FBLN5: variants seen among roughly 807,000 people sequenced by gnomAD.
FBLN5 encodes the protein fibulin-5.
FBLN5 carries 24 observed loss-of-function variants against 61.6 expected under a neutral mutation model. The observed-to-expected ratio is 0.39, with a 90% CI of 0.28 to 0.55. FBLN5 has a LOEUF of 0.55. FBLN5 is among the 20% of genes least tolerant of loss of function. FBLN5 has a pLI of 0.65. For missense variants in FBLN5, 470 were observed against 594.1 expected, an observed-to-expected ratio of 0.79 and a Z score of 2.17; for synonymous variants, 213 against 219.8, an observed-to-expected ratio of 0.97 and a Z score of 0.27.
intron 10 of FBLN5, among the ~76,000 whole-genome samples, chr14:91,873,318 T>C (rs1371801618): frequency 6.6e-6 from 1 of 152,230 alleles, no homozygotes; most frequent in African/African-American, 2.4e-5. Flanking sequence ...GCCAGGCATC[T>C]GGCTACAACC....
Position 91,942,900 on chromosome 14 carries a change from A to C in FBLN5, c.72+7T>G, listed in dbSNP as rs749068976. On this transcript the variant is annotated splice_region_variant and intron_variant, in intron 2 of 10. Transcript: ENST00000342058. ...TTGTAGATATTTTTTAAAAATAAAAATCTTACCTGTGCATTCCCAGGGCTT... is the reference window on the plus strand; with the variant it reads ...TTGTAGATATTTTTTAAAAATAAAACTCTTACCTGTGCATTCCCAGGGCTT... 1 of 1,520,838 alleles carries C rather than the reference A, an allele frequency of 6.6e-7. No homozygotes were observed. Among genetic ancestry groups the C allele is most frequent in the South Asian group, 1.2e-5 (1 of 83,338 alleles). 94.2% of individuals were successfully genotyped at this position (1,520,838 alleles called of 1,614,324 possible).
At chr14:91,889,626 C>T (rs796102716) in intron 6 of FBLN5, among the ~76,000 whole-genome samples, 21 of 152,352 alleles carry the variant, frequency 1.4e-4, no homozygotes, top group African/African-American at 5.1e-4. Context: ...TATTTGGGTT[C>T]AGTGAGATGA....
At position 91,881,262 on chromosome 14, in the gene FBLN5, T is replaced by C. The variant is rs1279884645; in HGVS notation, c.989+30A>G. On this transcript the variant is annotated intron_variant, in intron 9 of 10. Transcript: ENST00000342058. ...TCCTGAGCCAGGCCCTCATCAGGTT[T>C]CTATTCCCCAGGGGGACGCCGTGAC... is the stretch of plus-strand genomic sequence containing the variant. 4 of 1,613,608 alleles carry C rather than the reference T, an allele frequency of 2.5e-6. No individual in the cohort carries two copies. In the Admixed American group the frequency reaches 5.0e-5, roughly 20 times the overall value.
At chr14:91,889,314 C>T (rs907897714) in intron 6 of FBLN5, among the ~76,000 whole-genome samples, 11 of 152,202 alleles carry the variant, frequency 7.2e-5, no homozygotes, top group Admixed American at 3.9e-4. Flanking sequence ...GAACTCATTC[C>T]ACCCCCTCAC....
intron 4 of FBLN5, among the ~76,000 whole-genome samples, chr14:91,900,918 G>A (rs1233770326): frequency 6.6e-6 from 1 of 152,212 alleles, no homozygotes; most frequent in Non-Finnish European, 1.5e-5. Context: ...CAGCCCAGGG[G>A]TTTCATGGGC....
intron 4 of FBLN5, among the ~76,000 whole-genome samples, chr14:91,928,783 G>A (rs1431320338): frequency 6.6e-6 from 1 of 151,872 alleles, no homozygotes; most frequent in Non-Finnish European, 1.5e-5. Context: ...CTCAGGCCGG[G>A]CGCAGTGGCT....
At chr14:91,894,050 G>C (rs1890104545) in intron 5 of FBLN5, among the ~76,000 whole-genome samples, 1 of 152,196 alleles carries the variant, frequency 6.6e-6, no homozygotes, top group African/African-American at 2.4e-5. Context: ...AAGACAGGAA[G>C]AAAGTCAAGG....
At chr14:91,936,328 G>T (rs545906273) in intron 4 of FBLN5, among the ~76,000 whole-genome samples, 3 of 152,192 alleles carry the variant, frequency 2.0e-5, no homozygotes, top group African/African-American at 7.2e-5. Context: ...CGATCACAGC[G>T]CACCTTGGTC....
chr14:91,931,260 C>T (rs143502523), intron 4 of FBLN5, among the ~76,000 whole-genome samples: 1 of 152,184 alleles, frequency 6.6e-6, no homozygotes, highest in Non-Finnish European at 1.5e-5. Flanking sequence ...CAGAGGCCGT[C>T]TTGAATTTCA....
intron 10 of FBLN5, 133 bp from the exon 11 acceptor site, chr14:91,870,518 C>T (rs1888873851): frequency 5.9e-6 from 5 of 841,200 alleles, no homozygotes; most frequent in East Asian, 5.1e-5. Flanking sequence ...ATGCTCTTTC[C>T]CTGGCTTTGC....
intron 6 of FBLN5, 58 bp from the exon 7 acceptor site, chr14:91,887,370 T>C (rs1401426564): frequency 1.9e-6 from 3 of 1,590,630 alleles, no homozygotes; most frequent in South Asian, 1.1e-5. Flanking sequence ...CCACAATAAC[T>C]AGGCAGAAAA....
chr14:91,890,537 T>C (rs1472526230), intron 6 of FBLN5, among the ~76,000 whole-genome samples: 1 of 152,238 alleles, frequency 6.6e-6, no homozygotes, highest in Non-Finnish European at 1.5e-5. Flanking sequence ...AAGTCCCCCA[T>C]TCACTTCCTG....
chr14:91,897,231 C>G (rs1890264260), intron 4 of FBLN5, among the ~76,000 whole-genome samples: 1 of 152,192 alleles, frequency 6.6e-6, no homozygotes, highest in Non-Finnish European at 1.5e-5. Context: ...GCTGCAAGGA[C>G]TCCAGCCTCC....
chr14:91,891,370 G>T, intron 5 of FBLN5, 33 bp from the exon 6 acceptor site: 1 of 1,361,864 alleles, frequency 7.3e-7, no homozygotes, highest in Admixed American at 1.7e-5. Flanking sequence ...AGTGAGACAG[G>T]TCTCCTCACT....
intron 6 of FBLN5, among the ~76,000 whole-genome samples, chr14:91,888,100 A>G (rs1889811314): frequency 6.6e-6 from 1 of 151,510 alleles, no homozygotes; most frequent in African/African-American, 2.4e-5. Context: ...GGAGTTTGAG[A>G]CCAACCTGGG....
intron 4 of FBLN5, among the ~76,000 whole-genome samples, chr14:91,929,214 A>G (rs1164567653): frequency 2.0e-5 from 3 of 152,068 alleles, no homozygotes; most frequent in Admixed American, 1.3e-4. Flanking sequence ...TGAAGGTTTC[A>G]AAACATTTCA....
chr14:91,936,897 A>G, intron 4 of FBLN5, 50 bp downstream of exon 4: 1 of 1,612,378 alleles, frequency 6.2e-7, no homozygotes, highest in Non-Finnish European at 8.5e-7. Context: ...GATACAGACG[A>G]TGTCTTCACC....
At chr14:91,914,645 GA>G (rs1270681815) in intron 4 of FBLN5, among the ~76,000 whole-genome samples, 4 of 151,066 alleles carry the variant, frequency 2.6e-5, no homozygotes, top group African/African-American at 7.3e-5. Flanking sequence ...AATAAAAAAA[GA>G]AAAAAATTTA....
intron 3 of FBLN5, among the ~76,000 whole-genome samples, chr14:91,939,337 ATTT>A (rs5810562): frequency 6.8e-4 from 79 of 115,718 alleles, no homozygotes; most frequent in African/African-American, 1.7e-3. Context: ...ACCTCCATTA[ATTT>A]TTTTTTTTTT....
Sources: allele counts gnomAD v4.1 joint callset (sites outside exome capture counted in the v4.1 genomes callset), GRCh38; gene constraint gnomAD v4.1.1; transcripts MANE v1.5; gene names NCBI Gene and HGNC (gene_info 2026-07-23, HGNC 2026-07-21).